Variants in AKAP3 observed in about 807,000 individuals in gnomAD.
AKAP3 encodes the protein A-kinase anchoring protein 3.
Under a neutral mutation model 57.2 loss-of-function variants are expected in AKAP3, and 27 were observed. The observed-to-expected ratio is 0.47, with a 90% CI of 0.35 to 0.65. The LOEUF (loss-of-function observed/expected upper bound fraction) is 0.65, where lower values mean the gene tolerates loss of function less well. Ranked by LOEUF, AKAP3 falls within the 30% of genes least tolerant of loss-of-function variation. The pLI is 0.01. For missense variants in AKAP3, 959 were observed against 1,040.0 expected (o/e 0.92, Z 1.07); for synonymous variants, 334 against 392.3 (o/e 0.85, Z 1.76).
intron 3 of AKAP3, among the ~76,000 whole-genome samples, chr12:4,640,485 A>G (rs1945623975): frequency 6.6e-6 from 1 of 152,222 alleles, no homozygotes; most frequent in Non-Finnish European, 1.5e-5. Context: ...GACTGTGGTG[A>G]GGGTAGACGT....
intron 4 of AKAP3, chr12:4,635,493 G>A: frequency 1.5e-6 from 1 of 675,574 alleles, no homozygotes; most frequent in Non-Finnish European, 2.8e-6. Context: ...ATTCACTGAT[G>A]TTTAGCTGAT....
At chr12:4,631,486 G>A in intron 4 of AKAP3, 1 of 590,402 alleles carries the variant, frequency 1.7e-6, no homozygotes, top group East Asian at 2.9e-5. Flanking sequence ...CTATGTGTCT[G>A]TAATTCAAAA....
Position 4,625,398 on chromosome 12 carries a change from T to C in AKAP3, c.2406+1098A>G, listed in dbSNP as rs1945400239. ...TTTTTAAGACCAAAGTCAAAGACCA[T>C]ACAGTTTCTTGTTTAGGCTTGATAT... On this transcript the variant is annotated intron_variant, in intron 5 of 5. Coordinates refer to ENST00000228850, the MANE Select transcript of AKAP3 (RefSeq NM_001278309.2). The surrounding 1 kb of genome is among the most constrained non-coding windows in gnomAD (Gnocchi z 5.4). 6.6e-6 allele frequency among the ~76,000 whole-genome samples: 1 copy of C among 152,186 alleles called. No individual in the cohort carries two copies. The highest frequency in any genetic ancestry group is 2.4e-5 in the African/African-American group (1 of 41,448).
intron 5 of AKAP3, among the ~76,000 whole-genome samples, chr12:4,622,123 T>C (rs1945354557): frequency 6.6e-6 from 1 of 151,954 alleles, no homozygotes. Flanking sequence ...CTCGAAGAAA[T>C]CGGAAATGAC....
At chr12:4,632,910 G>T (rs1037357464) in intron 4 of AKAP3, among the ~76,000 whole-genome samples, 27 of 152,162 alleles carry the variant, frequency 1.8e-4, no homozygotes, top group African/African-American at 5.3e-4. Context: ...AAAGTGCTGG[G>T]ATTACAGGCG....
chr12:4,638,210 A>G lies in AKAP3; in HGVS notation c.1-14T>C, dbSNP rs1366525792. The G allele has an allele frequency of 3.8e-6, 6 of 1,566,970 alleles. No individual in the cohort carries two copies. The highest frequency in any genetic ancestry group is 1.4e-5 in the African/African-American group (1 of 73,356). On this transcript the variant is annotated splice_polypyrimidine_tract_variant and intron_variant, in intron 3 of 5. Coordinates refer to ENST00000228850, the MANE Select transcript of AKAP3 (RefSeq NM_001278309.2). Reference sequence around the variant, plus strand: ...CTTTTCTGACATCTGGAAGCAGGGGAAAAAAATGAGAAAGGGTCATCACAA... The same window carrying G: ...CTTTTCTGACATCTGGAAGCAGGGGGAAAAAATGAGAAAGGGTCATCACAA...
At chr12:4,624,046 T>C (rs1945378117) in intron 5 of AKAP3, among the ~76,000 whole-genome samples, 1 of 152,164 alleles carries the variant, frequency 6.6e-6, no homozygotes. Context: ...CTTTCCTAGG[T>C]GTATAGCACA....
chr12:4,630,430 G>A (rs181867469), intron 4 of AKAP3, among the ~76,000 whole-genome samples: 156 of 152,132 alleles, frequency 1.0e-3, no homozygotes, highest in Non-Finnish European at 1.8e-3. Flanking sequence ...GGCGCTCCAC[G>A]TCTACAATAT....
chr12:4,645,733 T>A (rs1212845282), intron 1 of AKAP3: 2 of 152,186 alleles, frequency 1.3e-5, no homozygotes, highest in Non-Finnish European at 2.9e-5. Flanking sequence ...ATTTACCTGC[T>A]GTGTGGCCAG....
intron 2 of AKAP3, among the ~76,000 whole-genome samples, chr12:4,644,642 C>T (rs1158306296): frequency 1.3e-5 from 2 of 152,156 alleles, no homozygotes; most frequent in Non-Finnish European, 2.9e-5. Flanking sequence ...CCAGGCATGG[C>T]GACTCACACC....
At position 4,638,014 on chromosome 12, in the gene AKAP3, T is replaced by C. The variant is rs1288200781; in HGVS notation, c.96+87A>G. ...GAATCCCACCTTGAAAAATAAGAGG[T>C]TGGTGGTATGGTGGAGAGAATAAGG... is the stretch of plus-strand genomic sequence containing the variant. On this transcript the variant is annotated intron_variant, in intron 4 of 5. Coordinates refer to ENST00000228850, the MANE Select transcript of AKAP3 (RefSeq NM_001278309.2). 2.7e-6 allele frequency: 3 copies of C among 1,107,802 alleles called. No individual in the cohort carries two copies. The East Asian group carries it at 7.1e-5, about 26-fold the overall frequency. The allele number at this position is 1,107,802 out of a possible 1,614,324, so 68.6% of individuals were successfully genotyped here. A position where few individuals can be genotyped will look rare whatever the true frequency, so the allele number is the denominator to read the frequency against.
At position 4,648,969 on chromosome 12, in the gene AKAP3, T is replaced by G; in HGVS notation, c.-469A>C. The G allele has an allele frequency of 2.6e-6, 2 of 761,576 alleles. No homozygotes were observed. Among genetic ancestry groups the G allele is most frequent in the Non-Finnish European group, 4.2e-6 (2 of 471,382 alleles). 47.2% of individuals were successfully genotyped at this position (761,576 alleles called of 1,614,324 possible). A position where few individuals can be genotyped will look rare whatever the true frequency, so the allele number is the denominator to read the frequency against. ...GTCTTTTCACTTCCTTTCTTCCCCCTCTCCTTCACTTTCCCAGCTTTCTTC... is the reference window on the plus strand; with the variant it reads ...GTCTTTTCACTTCCTTTCTTCCCCCGCTCCTTCACTTTCCCAGCTTTCTTC... On this transcript the variant is annotated 5_prime_UTR_variant, in exon 1 of 6. Transcript: ENST00000228850.
intron 4 of AKAP3, among the ~76,000 whole-genome samples, chr12:4,630,096 T>C (rs1945478681): frequency 6.6e-6 from 1 of 152,182 alleles, no homozygotes; most frequent in Admixed American, 6.5e-5. Flanking sequence ...TCACTGTAAT[T>C]ATTGGAGTTC....
rs1290397241 is a variant in AKAP3, at chr12:4,628,014, C to G, written c.888G>C (p.Met296Ile). Residue 296 changes from methionine to isoleucine, a missense_variant, in exon 5 of 6, where the codon ATG becomes ATC. Transcript: ENST00000228850. ...TCAGTGTCTTCATGATGGAGACCAT[C>G]ATATCAGATACCACACTGTTAGCAT... The part of the protein sequence containing the change: ...MTYANSVVSD[M>I]MVSIMKTLKI... The G allele has an allele frequency of 6.2e-7, 1 of 1,614,062 alleles. No individual in the cohort carries two copies. The highest frequency in any genetic ancestry group is 1.3e-5 in the African/African-American group (1 of 75,014).
intron 2 of AKAP3, among the ~76,000 whole-genome samples, chr12:4,643,285 C>A (rs1447811166): frequency 2.0e-5 from 3 of 152,022 alleles, no homozygotes; most frequent in African/African-American, 7.2e-5. Flanking sequence ...TAAAGAGGTA[C>A]TTTAAAACTT....
At chr12:4,645,983 C>A (rs569415141) in intron 1 of AKAP3, 1 of 152,140 alleles carries the variant, frequency 6.6e-6, no homozygotes, top group Admixed American at 6.5e-5. Context: ...TTCATTTTGT[C>A]AGATCCAGCC....
At chr12:4,630,629 T>C (rs574322507) in intron 4 of AKAP3, among the ~76,000 whole-genome samples, 6 of 152,384 alleles carry the variant, frequency 3.9e-5, no homozygotes, top group Non-Finnish European at 8.8e-5. Context: ...TTTTGTGCTT[T>C]AGTGGAAAAT....
At position 4,626,484 on chromosome 12, in the gene AKAP3, T is replaced by G; in HGVS notation, c.2406+12A>C. On this transcript the variant is annotated intron_variant, in intron 5 of 5. Coordinates refer to ENST00000228850, the MANE Select transcript of AKAP3 (RefSeq NM_001278309.2). Reference sequence around the variant, plus strand: ...AATAAAGCTTCCAAATTCCTCTGCCTTTGTTTCTTACCTTCTCCTGGATCC... The same window carrying G: ...AATAAAGCTTCCAAATTCCTCTGCCGTTGTTTCTTACCTTCTCCTGGATCC... 6.2e-7 allele frequency: 1 copy of G among 1,608,326 alleles called. No individual in the cohort carries two copies. The highest frequency in any genetic ancestry group is 2.2e-5 in the East Asian group (1 of 44,760).
At chr12:4,636,198 T>C in intron 4 of AKAP3, 1 of 517,846 alleles carries the variant, frequency 1.9e-6, no homozygotes. Flanking sequence ...TTTCAGACTC[T>C]TCAATGAACT....
Sources: gnomAD v4.1 joint callset for allele counts (sites outside exome capture counted in the v4.1 genomes callset) on GRCh38, gnomAD v4.1.1 for gene constraint, Gnocchi (gnomAD v3.1) non-coding constraint, MANE v1.5 for transcripts, NCBI Gene and HGNC (gene_info 2026-07-23, HGNC 2026-07-21) for gene names.